TPT1: variants seen among roughly 807,000 people sequenced by gnomAD.
TPT1 encodes tumor protein, translationally-controlled 1.
TPT1 carries 5 observed loss-of-function variants against 22.8 expected under a neutral mutation model. That is an observed-to-expected ratio of 0.22 (90% CI 0.11 to 0.46). The LOEUF (loss-of-function observed/expected upper bound fraction) is 0.46. Ranked by LOEUF, TPT1 falls within the 20% of genes least tolerant of loss-of-function variation. The pLI, the probability that TPT1 is intolerant of heterozygous loss-of-function variation, is 0.99. For synonymous variants in TPT1, 89 were observed against 73.6 expected (o/e 1.21, Z -1.07); for missense variants, 130 against 218.7 (o/e 0.59, Z 2.56).
chr13:45,341,137 G>A lies in TPT1; in HGVS notation c.-68C>T. 11 of 1,596,302 alleles carry A rather than the reference G, an allele frequency of 6.9e-6. No homozygotes were observed. The highest frequency in any genetic ancestry group is 9.4e-6 in the Non-Finnish European group (11 of 1,172,020). ...GAGCCTGAAACTCGGAGCGAGCGCG[G>A]TGCAGCCGGAGCGGCGCTCGGGGGG... On this transcript the variant is annotated 5_prime_UTR_variant, in exon 1 of 6. Coordinates refer to ENST00000530705, the MANE Select transcript of TPT1 (RefSeq NM_003295.4).
In TPT1 at chr13:45,340,794, T is replaced by A; in HGVS notation, c.29-9A>T. ...GGAGAACATCTCATCGTCTGCCGGATACACAGAGCCGCCCATCACCGTGCG... is the reference window on the plus strand; with the variant it reads ...GGAGAACATCTCATCGTCTGCCGGAAACACAGAGCCGCCCATCACCGTGCG... On this transcript the variant is annotated splice_polypyrimidine_tract_variant and intron_variant, in intron 1 of 5. Coordinates refer to ENST00000530705, the MANE Select transcript of TPT1 (RefSeq NM_003295.4). The A allele has an allele frequency of 6.6e-7, 1 of 1,512,828 alleles. No individual in the cohort carries two copies. Among genetic ancestry groups the A allele is most frequent in the Non-Finnish European group, 8.8e-7 (1 of 1,131,518 alleles). 93.7% of individuals were successfully genotyped at this position (1,512,828 alleles called of 1,614,324 possible). A position where few individuals can be genotyped will look rare whatever the true frequency, so the allele number is the denominator to read the frequency against.
At chr13:45,340,404 T>C (rs1286060711) in intron 2 of TPT1, 1 of 801,030 alleles carries the variant, frequency 1.2e-6, no homozygotes, top group South Asian at 1.5e-5. Context: ...TAAAAAGTTG[T>C]TTCCAGTTGC....
In TPT1 at chr13:45,337,045, G is replaced by T; in HGVS notation, c.*341C>A. ...ACCTTTGATTCTTTTTTATATTCCAGTCCCAGAAGTAGTCTCCACTGTAGA... is the reference window on the plus strand; with the variant it reads ...ACCTTTGATTCTTTTTTATATTCCATTCCCAGAAGTAGTCTCCACTGTAGA... On this transcript the variant is annotated 3_prime_UTR_variant, in exon 6 of 6. Transcript: ENST00000530705. 6.7e-6 allele frequency: 2 copies of T among 296,892 alleles called. No individual in the cohort carries two copies. The highest frequency in any genetic ancestry group is 4.7e-5 in the South Asian group (1 of 21,220). The allele number at this position is 296,892 out of a possible 1,614,324, so 18.4% of individuals were successfully genotyped here.
rs1264082070 is a variant in TPT1 at position 45,336,005 on chromosome 13, T to TA, written c.*1380dup. On this transcript the variant is annotated 3_prime_UTR_variant, in exon 6 of 6. Coordinates refer to ENST00000530705, the MANE Select transcript of TPT1 (RefSeq NM_003295.4). Reference sequence around the variant, plus strand: ...AGTGTAATCAACCAGGTAAGGCTGATAGACTATTTCCCAAAACTCACGTTT... The same window carrying TA: ...AGTGTAATCAACCAGGTAAGGCTGATAAGACTATTTCCCAAAACTCACGTTT... 2.6e-5 allele frequency: 4 copies of TA among 152,308 alleles called. No individual in the cohort carries two copies. The highest frequency in any genetic ancestry group is 2.6e-4 in the Admixed American group (4 of 15,302). 9.4% of individuals were successfully genotyped at this position (152,308 alleles called of 1,614,324 possible).
At chr13:45,339,805 C>A (rs1158610913) in intron 3 of TPT1, 189 bp downstream of exon 3, 7 of 752,652 alleles carry the variant, frequency 9.3e-6, no homozygotes, top group Non-Finnish European at 1.3e-5. Flanking sequence ...TAATTCTAAA[C>A]GGAAACAGAC....
intron 4 of TPT1, 73 bp from the exon 5 acceptor site, chr13:45,338,849 T>C (rs1878889556): frequency 1.5e-6 from 2 of 1,299,732 alleles, no homozygotes; most frequent in South Asian, 1.5e-5. Flanking sequence ...CAAACTACAG[T>C]ACAAGGGAAG....
rs1878516412 is a variant in TPT1, at chr13:45,333,810, G to C, written c.*3576C>G. On this transcript the variant is annotated 3_prime_UTR_variant, in exon 6 of 6. Transcript: ENST00000530705. ...ACGGTAGTCAAGTTTACCACTATCA[G>C]GCCTCATATTACTTAAGTACTTTGC... The C allele has an allele frequency of 6.6e-6, 1 of 152,234 alleles. No individual in the cohort carries two copies. The highest frequency in any genetic ancestry group is 1.9e-4 in the East Asian group (1 of 5,178). The allele number at this position is 152,234 out of a possible 1,614,324, so 9.4% of individuals were successfully genotyped here. A position where few individuals can be genotyped will look rare whatever the true frequency, so the allele number is the denominator to read the frequency against.
chr13:45,338,593 C>T, intron 5 of TPT1, 67 bp downstream of exon 5: 2 of 1,577,936 alleles, frequency 1.3e-6, no homozygotes, highest in Non-Finnish European at 1.7e-6. Context: ...TGTCACAAAA[C>T]AATTGCAAAT....
At chr13:45,339,104 AT>A (rs1223904009) in intron 4 of TPT1, 2 of 307,798 alleles carry the variant, frequency 6.5e-6, no homozygotes, top group Admixed American at 4.7e-5. Flanking sequence ...GTGATAGAAT[AT>A]ATCATACAGT....
Position 45,334,038 on chromosome 13 carries a change from C to T in TPT1, c.*3348G>A, listed in dbSNP as rs1434375957. 1 of 152,260 alleles carries T rather than the reference C, an allele frequency of 6.6e-6. No homozygotes were observed. The highest frequency in any genetic ancestry group is 1.5e-5 in the Non-Finnish European group (1 of 68,104). 9.4% of individuals were successfully genotyped at this position (152,260 alleles called of 1,614,324 possible). On this transcript the variant is annotated 3_prime_UTR_variant, in exon 6 of 6. Coordinates refer to ENST00000530705, the MANE Select transcript of TPT1 (RefSeq NM_003295.4). ...CACTGCACCCTCAATCTCTCGGACT[C>T]AAGCCATCCTCTCAGCTCAGCCGCC... is the stretch of plus-strand genomic sequence containing the variant.
chr13:45,340,144 A>G lies in TPT1; in HGVS notation c.143T>C (p.Ile48Thr). Residue 48 changes from isoleucine to threonine, a missense_variant, in exon 3 of 6, where the codon ATT becomes ACT. Physicochemically the swap from Ile to Thr is moderately conservative, Grantham distance 89 (BLOSUM62 -1). Coordinates refer to ENST00000530705, the MANE Select transcript of TPT1 (RefSeq NM_003295.4). ...RTEGNIDDSLIGGNASAEGPE... is the reference protein window; with the variant it reads ...RTEGNIDDSLTGGNASAEGPE... ...GCCTTCAGCGGAGGCATTTCCACCA[A>G]TGAGCGAGTCATCAATGTTACCTTC... is the stretch of plus-strand genomic sequence containing the variant. The G allele has an allele frequency of 6.2e-7, 1 of 1,614,050 alleles. No individual in the cohort carries two copies. Among genetic ancestry groups the G allele is most frequent in the South Asian group, 1.1e-5 (1 of 91,058 alleles).
At position 45,338,748 on chromosome 13, in the gene TPT1, T is replaced by C. The variant is rs1166646418; in HGVS notation, c.428A>G (p.Asp143Gly). The change falls in exon 5 of 6, where the codon GAT becomes GGT. Residue 143 changes from aspartate (D) to glycine (G), a missense_variant. Coordinates refer to ENST00000530705, the MANE Select transcript of TPT1 (RefSeq NM_003295.4). ...QFFIGENMNP[D>G]GMVALLDYRE... ...GTAGTCCAATAGAGCAACCATGCCATCTGGATTCATGTTTTCACCAATAAA... is the reference window on the plus strand; with the variant it reads ...GTAGTCCAATAGAGCAACCATGCCACCTGGATTCATGTTTTCACCAATAAA... 6.3e-7 allele frequency: 1 copy of C among 1,595,360 alleles called. No homozygotes were observed. The highest frequency in any genetic ancestry group is 8.5e-7 in the Non-Finnish European group (1 of 1,175,418).
Position 45,341,164 on chromosome 13 carries a change from G to T in TPT1, c.-95C>A, listed in dbSNP as rs986813900. On this transcript the variant is annotated 5_prime_UTR_variant, in exon 1 of 6. Coordinates refer to ENST00000530705, the MANE Select transcript of TPT1 (RefSeq NM_003295.4). ...GCAGCCGGAGCGGCGCTCGGGGGGA[G>T]GGGGGAGCGGGCGGAAAAGGCCGAC... The T allele has an allele frequency of 3.9e-6, 6 of 1,543,546 alleles. No individual in the cohort carries two copies. The highest frequency in any genetic ancestry group is 2.7e-5 in the African/African-American group (2 of 72,948).
chr13:45,337,520 GA>G (rs766668656), intron 5 of TPT1, 132 bp from the exon 6 acceptor site: 21 of 1,613,568 alleles, frequency 1.3e-5, no homozygotes, highest in Middle Eastern at 3.3e-4. Context: ...CACAAAGACA[GA>G]CAGAAAGCGC....
chr13:45,340,232 A>C (rs751718052), intron 2 of TPT1, 48 bp from the exon 3 acceptor site: 2 of 1,574,258 alleles, frequency 1.3e-6, no homozygotes, highest in South Asian at 2.3e-5. Flanking sequence ...AAACGCATCC[A>C]AAGCACCTTC....
Position 45,334,957 on chromosome 13 carries a change from CCTT to C in TPT1, c.*2426_*2428del, listed in dbSNP as rs1282581427. On this transcript the variant is annotated 3_prime_UTR_variant, in exon 6 of 6. Transcript: ENST00000530705. Reference sequence around the variant, plus strand: ...GATATCCACATGGCCTACTTCCACACCTTCATTTGTTTTCAAATGTCACATTAC... The same window carrying C: ...GATATCCACATGGCCTACTTCCACACCATTTGTTTTCAAATGTCACATTAC... 1.3e-5 allele frequency: 2 copies of C among 152,224 alleles called. No individual in the cohort carries two copies. The highest frequency in any genetic ancestry group is 2.4e-5 in the African/African-American group (1 of 41,436). The allele number at this position is 152,224 out of a possible 1,614,324, so 9.4% of individuals were successfully genotyped here.
chr13:45,337,756 C>T, intron 5 of TPT1: 1 of 592,788 alleles, frequency 1.7e-6, no homozygotes. Flanking sequence ...TAATTTCTGT[C>T]TACTGTTGAC....
chr13:45,340,501 G>C (rs1026615912), intron 2 of TPT1: 3 of 761,976 alleles, frequency 3.9e-6, no homozygotes, highest in East Asian at 5.3e-5. Context: ...TCATGTCCCG[G>C]ACAACCCCGG....
At chr13:45,340,290 A>G in intron 2 of TPT1, 106 bp from the exon 3 acceptor site, 2 of 1,385,436 alleles carry the variant, frequency 1.4e-6, no homozygotes, top group East Asian at 4.7e-5. Context: ...CTTGCTGAAA[A>G]TAAAAAAAGC....
Sources: gnomAD v4.1 joint callset for allele counts on GRCh38, gnomAD v4.1.1 for gene constraint, MANE v1.5 for transcripts, NCBI Gene and HGNC (gene_info 2026-07-23, HGNC 2026-07-21) for gene names.